Variants in GLG1 observed in about 807,000 individuals in gnomAD.
GLG1 encodes golgi glycoprotein 1.
In GLG1, 38 loss-of-function variants were observed where a neutral mutation model predicts 160.5. The observed-to-expected ratio is 0.24, with a 90% CI of 0.18 to 0.31. The LOEUF (loss-of-function observed/expected upper bound fraction) is 0.31. Among genes scored for constraint, GLG1 ranks in the 10% least tolerant of loss-of-function variants. The pLI, the probability that GLG1 is intolerant of heterozygous loss-of-function variation, is 1.00. For missense variants in GLG1, 1,373 were observed against 1,505.2 expected (o/e 0.91, Z 1.45); for synonymous variants, 644 against 543.4 (o/e 1.19, Z -2.57).
chr16:74,457,709 A>G (rs1427202422), intron 24 of GLG1, among the ~76,000 whole-genome samples, 165 bp downstream of exon 24: 1 of 152,158 alleles, frequency 6.6e-6, no homozygotes, highest in Non-Finnish European at 1.5e-5. Flanking sequence ...TGATGCCATA[A>G]AGGTCTAGTT....
intron 1 of GLG1, among the ~76,000 whole-genome samples, chr16:74,589,148 G>C (rs530167590): frequency 2.0e-5 from 3 of 151,788 alleles, no homozygotes; most frequent in Non-Finnish European, 2.9e-5. Context: ...CCAGCTACTC[G>C]AGAGGCTGAG....
chr16:74,561,806 C>A (rs1396017895), intron 1 of GLG1, among the ~76,000 whole-genome samples: 1 of 152,088 alleles, frequency 6.6e-6, no homozygotes, highest in African/African-American at 2.4e-5. Flanking sequence ...TTCCTGAATC[C>A]GTAAATCTTC....
intron 1 of GLG1, among the ~76,000 whole-genome samples, chr16:74,576,506 A>G (rs968517948): frequency 6.6e-6 from 1 of 152,200 alleles, no homozygotes; most frequent in Non-Finnish European, 1.5e-5. Context: ...CAGAACACAT[A>G]CAATCTCTTG....
At chr16:74,538,246 G>A (rs1356919761) in intron 1 of GLG1, among the ~76,000 whole-genome samples, 17 of 150,124 alleles carry the variant, frequency 1.1e-4, no homozygotes, top group South Asian at 4.3e-4. Context: ...GAAGTCACGC[G>A]ATAACCTAAT....
At chr16:74,506,506 T>C (rs927357303) in intron 3 of GLG1, among the ~76,000 whole-genome samples, 5 of 135,736 alleles carry the variant, frequency 3.7e-5, no homozygotes, top group African/African-American at 1.1e-4. Context: ...GGCATGAACC[T>C]GGGAGGCGGA....
rs534225632 is a variant in GLG1 at position 74,473,848 on chromosome 16, AAC to A, written c.2052+696_2052+697del. Among the ~76,000 whole-genome samples the A allele has an allele frequency of 1.2e-3, 180 of 152,250 alleles. 1 individual carries two copies. Among genetic ancestry groups the A allele is most frequent in the African/African-American group, 4.3e-3 (177 of 41,558 alleles). On this transcript the variant is annotated intron_variant, in intron 13 of 25. Coordinates refer to ENST00000422840, the MANE Select transcript of GLG1 (RefSeq NM_001145667.2). The stretch of plus-strand genomic sequence containing the variant: ...GAAGTCCTCAGCTTTTATGTTCTGA[AAC>A]ACACAAACATTACCAAATGACCTAA...
At position 74,474,560 on chromosome 16, in the gene GLG1, C is replaced by T; in HGVS notation, c.2038G>A (p.Glu680Lys). ...ECRDIVGNLTELESEDIQIEA... is the reference protein window; with the variant it reads ...ECRDIVGNLTKLESEDIQIEA... ...ATACCACTTACCTCTGATTCTAACTCAGTGAGGTTGCCAACTATATCTCTA... is the reference window on the plus strand; with the variant it reads ...ATACCACTTACCTCTGATTCTAACTTAGTGAGGTTGCCAACTATATCTCTA... Residue 680 changes from glutamate to lysine, a missense_variant, in exon 13 of 26, where the codon GAG becomes AAG. Physicochemically the swap from Glu to Lys is moderately conservative, Grantham distance 56. Transcript: ENST00000422840. The T allele has an allele frequency of 6.6e-7, 1 of 1,522,422 alleles. No homozygotes were observed. The highest frequency in any genetic ancestry group is 9.1e-7 in the Non-Finnish European group (1 of 1,096,374). The allele number at this position is 1,522,422 out of a possible 1,614,324, so 94.3% of individuals were successfully genotyped here. A position where few individuals can be genotyped will look rare whatever the true frequency, so the allele number is the denominator to read the frequency against.
intron 1 of GLG1, among the ~76,000 whole-genome samples, chr16:74,603,948 T>C (rs1018331299): frequency 6.6e-6 from 1 of 151,684 alleles, no homozygotes; most frequent in African/African-American, 2.4e-5. Context: ...CATGATATAC[T>C]TGGCCTTTTT....
Position 74,462,755 on chromosome 16 carries a change from T to C in GLG1, c.2792-125A>G, listed in dbSNP as rs2014851981. On this transcript the variant is annotated intron_variant, in intron 20 of 25. Transcript: ENST00000422840. The stretch of plus-strand genomic sequence containing the variant: ...ATGACTACAACCATGGATTTATCTA[T>C]TCAATAAACATTTACTGAGCTCTCA... 4.6e-6 allele frequency: 4 copies of C among 864,806 alleles called. No homozygotes were observed. The Admixed American group carries it at 6.4e-5, about 14-fold the overall frequency. 53.6% of individuals were successfully genotyped at this position (864,806 alleles called of 1,614,324 possible).
intron 1 of GLG1, among the ~76,000 whole-genome samples, chr16:74,536,107 T>C (rs1377027733): frequency 6.6e-6 from 1 of 152,126 alleles, no homozygotes; most frequent in Non-Finnish European, 1.5e-5. Flanking sequence ...AAAGAACCAA[T>C]GAACAGAAAT....
At chr16:74,502,722 GTTTT>G (rs745410150) in intron 4 of GLG1, among the ~76,000 whole-genome samples, 1 of 109,588 alleles carries the variant, frequency 9.1e-6, no homozygotes, top group Non-Finnish European at 1.8e-5. Context: ...TTTGTTTTTG[GTTTT>G]TTTTTTTTTT....
intron 13 of GLG1, among the ~76,000 whole-genome samples, chr16:74,473,303 T>C (rs964670400): frequency 1.3e-5 from 2 of 151,836 alleles, no homozygotes; most frequent in Admixed American, 6.6e-5. Flanking sequence ...AACCTCCGCC[T>C]CCCGGGTTCA....
At chr16:74,576,294 C>G (rs1177372802) in intron 1 of GLG1, among the ~76,000 whole-genome samples, 1 of 152,080 alleles carries the variant, frequency 6.6e-6, no homozygotes, top group Non-Finnish European at 1.5e-5. Context: ...TAAAGACTGA[C>G]AAATTCCGTG....
chr16:74,601,412 TCTCTTAAAATTAAAAAAAAAA>T (rs1444180908), intron 1 of GLG1, among the ~76,000 whole-genome samples: 1 of 150,434 alleles, frequency 6.6e-6, no homozygotes, highest in African/African-American at 2.5e-5. Flanking sequence ...AGACCTTGTC[TCTCTTAAAATTAAAAAAAAAA>T]AAAAGTATAC....
intron 3 of GLG1, among the ~76,000 whole-genome samples, chr16:74,505,679 A>G (rs1400037429): frequency 1.3e-5 from 2 of 152,174 alleles, no homozygotes; most frequent in African/African-American, 4.8e-5. Flanking sequence ...ACACGGTGAA[A>G]GCCTGTCTCT....
intron 1 of GLG1, among the ~76,000 whole-genome samples, chr16:74,592,020 A>C (rs1958197033): frequency 6.6e-6 from 1 of 152,228 alleles, no homozygotes; most frequent in Non-Finnish European, 1.5e-5. Flanking sequence ...GTATGTATGT[A>C]GAGTTGGGCT....
chr16:74,510,007 T>C (rs955612510), intron 2 of GLG1, among the ~76,000 whole-genome samples: 12 of 149,826 alleles, frequency 8.0e-5, no homozygotes, highest in African/African-American at 2.5e-4. Context: ...CTTAAAACAC[T>C]TGACACATAC....
At chr16:74,506,553 G>C (rs1462797223) in intron 3 of GLG1, among the ~76,000 whole-genome samples, 2 of 107,908 alleles carry the variant, frequency 1.9e-5, no homozygotes, top group African/African-American at 7.1e-5. Context: ...CTGCACTCCA[G>C]CCTGGGTTAC....
chr16:74,469,212 G>T, intron 16 of GLG1, 149 bp from the exon 17 acceptor site: 1 of 619,608 alleles, frequency 1.6e-6, no homozygotes, highest in South Asian at 1.9e-5. Context: ...TTTTTTTCAG[G>T]GTGCTAAAAG....
Sources: allele counts gnomAD v4.1 joint callset (sites outside exome capture counted in the v4.1 genomes callset), GRCh38; gene constraint gnomAD v4.1.1; transcripts MANE v1.5; gene names NCBI Gene and HGNC (gene_info 2026-07-23, HGNC 2026-07-21).